Variants in NDUFAF6 observed in about 807,000 individuals in gnomAD.
NDUFAF6 encodes NADH:ubiquinone oxidoreductase complex assembly factor 6, also known as NADH dehydrogenase (ubiquinone) complex I, assembly factor 6.
In NDUFAF6, 45 loss-of-function variants were observed where a neutral mutation model predicts 40.8. That is an observed-to-expected ratio of 1.10 (90% CI 0.87 to 1.42). The LOEUF (loss-of-function observed/expected upper bound fraction) is 1.42. NDUFAF6 is among the 40% of genes most tolerant of loss of function. NDUFAF6 has a pLI of 0.00. For synonymous variants in NDUFAF6, 185 were observed against 155.9 expected (o/e 1.19, Z -1.39); for missense variants, 435 against 418.5 (o/e 1.04, Z -0.34).
At chr8:95,036,334 C>T (rs780687261) in intron 3 of NDUFAF6, 3 of 1,287,284 alleles carry the variant, frequency 2.3e-6, no homozygotes, top group South Asian at 1.2e-5. Context: ...GTAACAGGAG[C>T]CACCCACAGA....
At chr8:94,945,218 A>G (rs951786105) in intron 1 of NDUFAF6, among the ~76,000 whole-genome samples, 4 of 152,250 alleles carry the variant, frequency 2.6e-5, no homozygotes, top group African/African-American at 7.2e-5. Context: ...AAGTCTAAAT[A>G]TAGATCAAGT....
At position 94,930,624 on chromosome 8, in the gene NDUFAF6, T is replaced by C. The variant is rs148827655; in HGVS notation, c.-935-14859T>C. The stretch of plus-strand genomic sequence containing the variant: ...TCTTTCACTGTGTTCTTTTATCCAC[T>C]GGGAAGGGCGAAAGCTCTTGGGTTG... On this transcript the variant is annotated intron_variant, in intron 1 of 14. Coordinates refer to the NDUFAF6 transcript ENST00000396113. The C allele has an allele frequency of 3.7e-6, 6 of 1,614,096 alleles. No individual in the cohort carries two copies. In the African/African-American group the frequency reaches 6.7e-5, roughly 18 times the overall value.
At chr8:94,986,257 A>G (rs1330049455) in intron 2 of NDUFAF6, among the ~76,000 whole-genome samples, 2 of 152,206 alleles carry the variant, frequency 1.3e-5, no homozygotes, top group African/African-American at 4.8e-5. Context: ...AGGGCAGACC[A>G]CTCAAAACAT....
rs1827961058 is a variant in NDUFAF6, at chr8:95,025,254, G to A, written c.197+49G>A. Reference sequence around the variant, plus strand: ...GCGCGGCGGGAAGCGGGGTCCCGGGGTGGGAGCGGCTGCGCCTCGCGTCTG... The same window carrying A: ...GCGCGGCGGGAAGCGGGGTCCCGGGATGGGAGCGGCTGCGCCTCGCGTCTG... On this transcript the variant is annotated intron_variant, in intron 1 of 8. Transcript: ENST00000396124. 3.0e-6 allele frequency: 4 copies of A among 1,350,676 alleles called. No individual in the cohort carries two copies. In the South Asian group the frequency reaches 5.4e-5, roughly 18 times the overall value. 83.7% of individuals were successfully genotyped at this position (1,350,676 alleles called of 1,614,324 possible). A position where few individuals can be genotyped will look rare whatever the true frequency, so the allele number is the denominator to read the frequency against.
chr8:95,026,037 CA>C (rs1274994043), intron 1 of NDUFAF6, among the ~76,000 whole-genome samples: 1 of 151,878 alleles, frequency 6.6e-6, no homozygotes, highest in Admixed American at 6.6e-5. Context: ...AAGGACTTAC[CA>C]AAAGTACTTG....
At chr8:94,979,806 C>A (rs149474746) in intron 1 of NDUFAF6, among the ~76,000 whole-genome samples, 3 of 152,142 alleles carry the variant, frequency 2.0e-5, no homozygotes, top group Non-Finnish European at 4.4e-5. Flanking sequence ...GAAGACAGGC[C>A]GGAATGGGCT....
chr8:95,035,371 T>C lies in NDUFAF6; in HGVS notation c.298-83T>C, dbSNP rs577955427. On this transcript the variant is annotated intron_variant, in intron 2 of 8. Coordinates refer to ENST00000396124, the MANE Select transcript of NDUFAF6 (RefSeq NM_152416.4). ...TAGTCATAATACAGAACAGTTACAT[T>C]AACTCAAAAAATTCCCTCAAAGATA... 154 of 1,462,084 alleles carry C rather than the reference T, an allele frequency of 1.1e-4. 1 individual carries two copies. In the African/African-American group the frequency reaches 1.1e-3, roughly 11 times the overall value. The allele number at this position is 1,462,084 out of a possible 1,614,324, so 90.6% of individuals were successfully genotyped here.
At chr8:94,979,968 G>A (rs986238867) in intron 1 of NDUFAF6, among the ~76,000 whole-genome samples, 6 of 151,990 alleles carry the variant, frequency 3.9e-5, no homozygotes, top group Admixed American at 6.5e-5. Flanking sequence ...GTGGTGGCGC[G>A]CACCTGTAAT....
intron 1 of NDUFAF6, among the ~76,000 whole-genome samples, chr8:94,932,745 G>C (rs1820543893): frequency 6.6e-6 from 1 of 152,224 alleles, no homozygotes; most frequent in Non-Finnish European, 1.5e-5. Flanking sequence ...GGAGCTTGCA[G>C]TGAGCCGAGA....
chr8:94,916,012 C>T (rs1300126965), intron 1 of NDUFAF6, among the ~76,000 whole-genome samples: 4 of 152,154 alleles, frequency 2.6e-5, no homozygotes, highest in African/African-American at 7.2e-5. Context: ...AATTAAATTT[C>T]CCATTCTCCC....
chr8:95,047,508 C>CTTTTTTT (rs373655223), intron 6 of NDUFAF6, among the ~76,000 whole-genome samples: 12 of 126,420 alleles, frequency 9.5e-5, no homozygotes, highest in Non-Finnish European at 1.5e-4. Flanking sequence ...CTTTTCTTTT[C>CTTTTTTT]TTTTTTTTTT....
chr8:94,994,199 A>G (rs561064661), intron 2 of NDUFAF6, among the ~76,000 whole-genome samples: 20 of 152,288 alleles, frequency 1.3e-4, no homozygotes, highest in Admixed American at 5.9e-4. Context: ...GAAATGACCA[A>G]TGTGTGGTTC....
At chr8:94,998,317 A>T (rs1420478600) in intron 2 of NDUFAF6, among the ~76,000 whole-genome samples, 1 of 152,022 alleles carries the variant, frequency 6.6e-6, no homozygotes, top group Admixed American at 6.6e-5. Context: ...CCTTGTCCCC[A>T]GATGACAACT....
downstream of NDUFAF6, among the ~76,000 whole-genome samples, chr8:95,106,464 C>A (rs1216141010): frequency 2.0e-5 from 3 of 152,060 alleles, no homozygotes; most frequent in Non-Finnish European, 2.9e-5. Context: ...TTCCTTAAAC[C>A]TTATACAAAA....
At chr8:95,023,153 A>G (rs574519520), upstream of NDUFAF6, 6 of 152,318 alleles carry the variant, frequency 3.9e-5, no homozygotes, top group Admixed American at 3.9e-4. Context: ...ATTGAATTTT[A>G]TGTTTCCTTT....
At chr8:94,976,160 C>A (rs1425864351) in intron 1 of NDUFAF6, among the ~76,000 whole-genome samples, 1 of 142,136 alleles carries the variant, frequency 7.0e-6, no homozygotes, top group Non-Finnish European at 1.5e-5. Context: ...GATCGTGCCA[C>A]TGCACTCCAG....
chr8:94,964,994 T>C (rs577816875), intron 1 of NDUFAF6, among the ~76,000 whole-genome samples: 1 of 152,246 alleles, frequency 6.6e-6, no homozygotes, highest in Non-Finnish European at 1.5e-5. Flanking sequence ...GGGAAATCCC[T>C]CCCTCTAGCA....
At chr8:95,114,062 C>T (rs1378698627) in intron 4 of NDUFAF6, among the ~76,000 whole-genome samples, 5 of 151,148 alleles carry the variant, frequency 3.3e-5, no homozygotes, top group Non-Finnish European at 7.4e-5. Context: ...TGCTAGATGA[C>T]GAGTTAGTGG....
At chr8:95,046,730 G>A (rs1277411358) in intron 5 of NDUFAF6, among the ~76,000 whole-genome samples, 2 of 152,152 alleles carry the variant, frequency 1.3e-5, no homozygotes, top group African/African-American at 4.8e-5. Context: ...CATGATAGCC[G>A]ATTAAAATTC....
Sources: gnomAD v4.1 joint callset for allele counts (sites outside exome capture counted in the v4.1 genomes callset) on GRCh38, gnomAD v4.1.1 for gene constraint, MANE v1.5 for transcripts, NCBI Gene and HGNC (gene_info 2026-07-23, HGNC 2026-07-21) for gene names.